The following YJU2B variants were observed in gnomAD, a reference collection of about 807,000 sequenced individuals.
YJU2B encodes YJU2 splicing factor homolog B, also known as probable splicing factor YJU2B.
In YJU2B, 18 loss-of-function variants were observed where a neutral mutation model predicts 38.0. That is an observed-to-expected ratio of 0.47 (90% CI 0.33 to 0.70). The LOEUF is 0.70. Among genes scored for constraint, YJU2B ranks in the 30% least tolerant of loss-of-function variants. The pLI is 0.02. For missense variants in YJU2B, 538 were observed against 556.3 expected (o/e 0.97, Z 0.33); for synonymous variants, 246 against 225.4 (o/e 1.09, Z -0.82).
In YJU2B at chr19:13,762,421, G is replaced by A. The variant is rs1973927218; in HGVS notation, c.696G>A (p.Lys232=). The A allele has an allele frequency of 6.2e-7, 1 of 1,613,128 alleles. No individual in the cohort carries two copies. The highest frequency in any genetic ancestry group is 8.5e-7 in the Non-Finnish European group (1 of 1,179,980). Residue 232 remains lysine (K), a synonymous_variant, in exon 9 of 10, where the codon AAG becomes AAA. Coordinates refer to ENST00000221554, the MANE Select transcript of YJU2B (RefSeq NM_030818.4). The part of the protein sequence containing the change: ...EDDRKLAALL[K]FHTLDSYEDK... The stretch of plus-strand genomic sequence containing the variant: ...ACCGCAAGCTGGCGGCTCTGCTGAA[G>A]TTCCACACCCTGGACTGTGCGTAGG...
Position 13,762,687 on chromosome 19 carries a change from C to T in YJU2B, c.810C>T (p.Gly270=), listed in dbSNP as rs1973943981. The T allele has an allele frequency of 6.2e-7, 1 of 1,601,836 alleles. No individual in the cohort carries two copies. The highest frequency in any genetic ancestry group is 8.5e-7 in the Non-Finnish European group (1 of 1,178,330). ...PGSASSSKVS[G]VLKKLAQSRR... is the part of the protein sequence containing the mutation. The stretch of plus-strand genomic sequence containing the variant: ...CCGCCTCCAGCAGCAAGGTCAGCGG[C>T]GTCCTGAAGAAGCTGGCACAGAGCC... Residue 270 remains glycine (G), a synonymous_variant, in exon 10 of 10, where the codon GGC becomes GGT. Transcript: ENST00000221554.
chr19:13,747,088 A>C (rs559487761), upstream of YJU2B, among the ~76,000 whole-genome samples: 1 of 152,282 alleles, frequency 6.6e-6, no homozygotes, highest in South Asian at 2.1e-4. Flanking sequence ...AGAAGGATAC[A>C]TGATTGGGAA....
intron 2 of YJU2B, among the ~76,000 whole-genome samples, chr19:13,741,370 A>C (rs1294355955): frequency 1.3e-5 from 2 of 150,698 alleles, no homozygotes; most frequent in African/African-American, 2.4e-5. Flanking sequence ...GGTCAGGCTG[A>C]TCTCAAACCC....
intron 1 of YJU2B, among the ~76,000 whole-genome samples, chr19:13,749,624 ACTT>A (rs1973378558): frequency 6.8e-6 from 1 of 147,114 alleles, no homozygotes; most frequent in South Asian, 2.2e-4. Context: ...GTAAACTAGA[ACTT>A]CTTTCTTTTT....
chr19:13,762,934 G>A lies in YJU2B; in HGVS notation c.1057G>A (p.Glu353Lys), dbSNP rs1175468977. Residue 353 changes from glutamate (E) to lysine (K), a missense_variant, in exon 10 of 10, where the codon GAA (glutamate) becomes AAA (lysine). Around this residue, in one of 2 missense-constraint regions of YJU2B, gnomAD observed 488 missense variants for 469.5 expected, o/e 1.04. Coordinates refer to ENST00000221554, the MANE Select transcript of YJU2B (RefSeq NM_030818.4). ...TPKCSSPRGQEGSRQDKPLSP... is the reference protein window; with the variant it reads ...TPKCSSPRGQKGSRQDKPLSP... ...CAAGTGCAGCAGCCCGAGGGGGCAG[G>A]AAGGGAGCCGTCAGGACAAGCCCCT... 6.2e-7 allele frequency: 1 copy of A among 1,611,962 alleles called. No homozygotes were observed. The highest frequency in any genetic ancestry group is 8.5e-7 in the Non-Finnish European group (1 of 1,179,808).
chr19:13,758,943 C>A lies in YJU2B; in HGVS notation c.333C>A (p.Ile111=), dbSNP rs10425445. The change falls in exon 7 of 10, where the codon ATC becomes ATA. Residue 111 remains isoleucine (I), a synonymous_variant. Transcript: ENST00000221554. Reference sequence around the variant, plus strand: ...ACCCCGCCAACTGCGACTACGTGATCGTGAGTGGCGCCCAGCGCAAGGAGG... The same window carrying A: ...ACCCCGCCAACTGCGACTACGTGATAGTGAGTGGCGCCCAGCGCAAGGAGG... ...QTDPANCDYV[I]VSGAQRKEER... The A allele has an allele frequency of 1.4e-5, 22 of 1,613,924 alleles. No homozygotes were observed. The highest frequency in any genetic ancestry group is 1.9e-5 in the Non-Finnish European group (22 of 1,180,024).
upstream of YJU2B, among the ~76,000 whole-genome samples, chr19:13,745,745 A>C (rs1599503497): frequency 1.2e-4 from 3 of 24,872 alleles, no homozygotes; most frequent in Admixed American, 3.2e-4. Flanking sequence ...ATATATATAG[A>C]TATATATATA....
chr19:13,733,488 G>A (rs1463880433), intron 2 of YJU2B, among the ~76,000 whole-genome samples: 3 of 152,182 alleles, frequency 2.0e-5, no homozygotes, highest in Non-Finnish European at 4.4e-5. Flanking sequence ...TTGGGAGGCC[G>A]AGGTGGGTAG....
At chr19:13,761,105 C>T (rs1277348719) in intron 8 of YJU2B, among the ~76,000 whole-genome samples, 6 of 151,952 alleles carry the variant, frequency 3.9e-5, no homozygotes, top group South Asian at 2.1e-4. Context: ...CTTGGCTGGG[C>T]GCGGTGGCTC....
rs1363234158 is a variant in YJU2B, at chr19:13,755,020, C to CCT, written c.57+680_57+681dup. Among the ~76,000 whole-genome samples, 3 of 152,138 alleles carry CCT rather than the reference C, an allele frequency of 2.0e-5. No homozygotes were observed. In the East Asian group the frequency reaches 5.8e-4, roughly 29 times the overall value. On this transcript the variant is annotated intron_variant, in intron 3 of 9. Coordinates refer to ENST00000221554, the MANE Select transcript of YJU2B (RefSeq NM_030818.4). ...AGAAGGGGGAAATAAAATGAGCTGA[C>CCT]CTCACAGAATCATTGAGGGATAAAT...
At chr19:13,755,695 C>T (rs1973640039) in intron 3 of YJU2B, among the ~76,000 whole-genome samples, 1 of 152,072 alleles carries the variant, frequency 6.6e-6, no homozygotes, top group Non-Finnish European at 1.5e-5. Context: ...GTAGCTCACA[C>T]CCGGAATCCC....
chr19:13,748,029 C>T (rs556747699), intron 1 of YJU2B, 75 bp downstream of exon 1: 3 of 152,292 alleles, frequency 2.0e-5, no homozygotes, highest in South Asian at 2.1e-4. Flanking sequence ...CGGAGCTGCC[C>T]GGCGCGCCCT....
rs757080143 is a variant in YJU2B, at chr19:13,763,042, G to T, written c.1165G>T (p.Asp389Tyr). 18 of 1,566,162 alleles carry T rather than the reference G, an allele frequency of 1.1e-5. No homozygotes were observed. Among genetic ancestry groups the T allele is most frequent in the African/African-American group, 4.1e-5 (3 of 73,648 alleles). Residue 389 changes from aspartate to tyrosine, a missense_variant, in exon 10 of 10, where the codon GAC (aspartate) becomes TAC (tyrosine). By Grantham distance (160) the Asp-to-Tyr change is radical. This residue lies in a region of YJU2B where 488 missense variants were observed against 469.5 expected (regional missense o/e 1.04). Transcript: ENST00000221554. The part of the protein sequence containing the change: ...PCSLGSSLVA[D>Y]YSDSESE ...CAGTCTCGGCTCCTCCCTCGTGGCG[G>T]ACTACTCCGACTCGGAGAGTGAGTG...
rs149134466 is a variant in YJU2B at position 13,736,663 on chromosome 19, G to A, written c.-202+4378G>A. 2.8e-3 allele frequency among the ~76,000 whole-genome samples: 425 copies of A among 152,180 alleles called. 1 individual carries two copies. The highest frequency in any genetic ancestry group is 9.8e-3 in the African/African-American group (405 of 41,514). On this transcript the variant is annotated intron_variant, in intron 2 of 10. Coordinates refer to the YJU2B transcript ENST00000586600. The stretch of plus-strand genomic sequence containing the variant: ...CAGTGTATTTACTGAGTGCTACTAC[G>A]TAGCTCTAAATGTTGGAGATGCAGT...
intron 1 of YJU2B, among the ~76,000 whole-genome samples, chr19:13,750,622 G>C (rs1000674948): frequency 1.3e-5 from 2 of 152,062 alleles, no homozygotes; most frequent in Non-Finnish European, 2.9e-5. Flanking sequence ...ACTTTGGGAG[G>C]CCCTAGGTGT....
At position 13,763,176 on chromosome 19, in the gene YJU2B, A is replaced by G. The variant is rs762567544; in HGVS notation, c.*108A>G. ...TCGCCCACCAGCCCTGGGAGAGCTC[A>G]GATGCCGCATCCTCCCCAGACCGCG... On this transcript the variant is annotated 3_prime_UTR_variant, in exon 10 of 10. Coordinates refer to ENST00000221554, the MANE Select transcript of YJU2B (RefSeq NM_030818.4). The G allele has an allele frequency of 3.0e-4, 259 of 875,024 alleles. No individual in the cohort carries two copies. Among genetic ancestry groups the G allele is most frequent in the Admixed American group, 4.9e-4 (17 of 34,806 alleles). The allele number at this position is 875,024 out of a possible 1,614,324, so 54.2% of individuals were successfully genotyped here. A position where few individuals can be genotyped will look rare whatever the true frequency, so the allele number is the denominator to read the frequency against.
chr19:13,755,375 C>T (rs1290385603), intron 3 of YJU2B, among the ~76,000 whole-genome samples: 3 of 151,080 alleles, frequency 2.0e-5, no homozygotes, highest in Non-Finnish European at 4.4e-5. Flanking sequence ...ACAGGAGAAT[C>T]GCTTGAACCC....
chr19:13,752,536 G>T (rs1429600824), intron 2 of YJU2B, among the ~76,000 whole-genome samples: 1 of 152,116 alleles, frequency 6.6e-6, no homozygotes, highest in Non-Finnish European at 1.5e-5. Flanking sequence ...CTGAGGTCAG[G>T]AGTTTGAGAC....
chr19:13,738,342 G>T (rs1478978608), intron 2 of YJU2B, among the ~76,000 whole-genome samples: 1 of 152,154 alleles, frequency 6.6e-6, no homozygotes, highest in Non-Finnish European at 1.5e-5. Flanking sequence ...ATCATAGATT[G>T]TCACTGTTAT....
Sources: allele counts gnomAD v4.1 joint callset (sites outside exome capture counted in the v4.1 genomes callset), GRCh38; gene constraint gnomAD v4.1.1; regional missense constraint gnomAD v4.1.1; transcripts MANE v1.5; gene names NCBI Gene and HGNC (gene_info 2026-07-23, HGNC 2026-07-21).